Variants in CAMKMT observed in about 807,000 individuals in gnomAD.
CAMKMT encodes calmodulin-lysine N-methyltransferase, also known as CaM KMT.
CAMKMT carries 53 observed loss-of-function variants against 48.0 expected under a neutral mutation model. The observed-to-expected ratio is 1.10, with a 90% CI of 0.89 to 1.39. CAMKMT has a LOEUF of 1.39. CAMKMT is among the 40% of genes most tolerant of loss of function. CAMKMT has a pLI of 0.00. For missense variants in CAMKMT, 428 were observed against 402.7 expected (o/e 1.06, Z -0.54); for synonymous variants, 165 against 152.3 (o/e 1.08, Z -0.61).
intron 9 of CAMKMT, among the ~76,000 whole-genome samples, chr2:44,756,741 CAAA>C (rs772893331): frequency 3.7e-5 from 3 of 80,232 alleles, no homozygotes; most frequent in Admixed American, 2.8e-4. Context: ...GACTCTGTCT[CAAA>C]AAAAAAAAAA....
intron 3 of CAMKMT, among the ~76,000 whole-genome samples, chr2:44,569,248 T>C (rs1572822812): frequency 6.6e-6 from 1 of 152,194 alleles, no homozygotes; most frequent in African/African-American, 2.4e-5. Flanking sequence ...TCAAAAGTTC[T>C]AAGTTCAGTT....
chr2:44,770,131 C>G (rs1681042262), intron 10 of CAMKMT, among the ~76,000 whole-genome samples: 1 of 152,214 alleles, frequency 6.6e-6, no homozygotes. Context: ...GAAGTACAGC[C>G]TGGGTAAATG....
At chr2:44,453,192 G>A (rs1161875845) in intron 3 of CAMKMT, among the ~76,000 whole-genome samples, 2 of 151,818 alleles carry the variant, frequency 1.3e-5, no homozygotes, top group African/African-American at 4.8e-5. Context: ...GTGGCTGTAG[G>A]GAGCAAAACC....
intron 3 of CAMKMT, among the ~76,000 whole-genome samples, chr2:44,701,031 C>T (rs1299596594): frequency 2.6e-5 from 4 of 152,104 alleles, no homozygotes; most frequent in Admixed American, 6.6e-5. Flanking sequence ...TTTATTTATC[C>T]GTTAGTCAGT....
chr2:44,692,692 G>A (rs1676730242), intron 3 of CAMKMT, among the ~76,000 whole-genome samples: 1 of 152,060 alleles, frequency 6.6e-6, no homozygotes, highest in Admixed American at 6.5e-5. Context: ...AAGCTGCACT[G>A]TAACTCAGGA....
intron 3 of CAMKMT, among the ~76,000 whole-genome samples, chr2:44,476,848 A>T (rs1317225242): frequency 6.6e-6 from 1 of 152,176 alleles, no homozygotes; most frequent in Non-Finnish European, 1.5e-5. Flanking sequence ...ATAATAACTC[A>T]AAGGATTGGT....
At chr2:44,565,303 G>A (rs774472728) in intron 3 of CAMKMT, among the ~76,000 whole-genome samples, 2 of 152,066 alleles carry the variant, frequency 1.3e-5, no homozygotes, top group African/African-American at 2.4e-5. Context: ...TAGGCAATGT[G>A]GTGTCCTGGA....
At chr2:44,528,697 T>A (rs1279151758) in intron 3 of CAMKMT, among the ~76,000 whole-genome samples, 1 of 152,138 alleles carries the variant, frequency 6.6e-6, no homozygotes, top group Non-Finnish European at 1.5e-5. Context: ...ATAGCTTCCC[T>A]CCCTTGTTTG....
intron 3 of CAMKMT, among the ~76,000 whole-genome samples, chr2:44,602,859 G>C (rs1331414112): frequency 6.6e-6 from 1 of 151,968 alleles, no homozygotes; most frequent in Non-Finnish European, 1.5e-5. Context: ...TGAGATTTGG[G>C]TGGGGACACA....
intron 9 of CAMKMT, among the ~76,000 whole-genome samples, chr2:44,765,293 TAC>T (rs1253744997): frequency 6.6e-6 from 1 of 152,088 alleles, no homozygotes; most frequent in Non-Finnish European, 1.5e-5. Flanking sequence ...GACTACACTA[TAC>T]CTACAACATA....
At position 44,754,044 on chromosome 2, in the gene CAMKMT, C is replaced by A; in HGVS notation, c.699-11C>A. 6.2e-7 allele frequency: 1 copy of A among 1,612,194 alleles called. No homozygotes were observed. Among genetic ancestry groups the A allele is most frequent in the Non-Finnish European group, 8.5e-7 (1 of 1,178,448 alleles). ...AGTTTAATCTGGATTCTGCTCTCTTCTCAATGTCAGCCTGTTTCTGGACCA... is the reference window on the plus strand; with the variant it reads ...AGTTTAATCTGGATTCTGCTCTCTTATCAATGTCAGCCTGTTTCTGGACCA... On this transcript the variant is annotated splice_polypyrimidine_tract_variant and intron_variant, in intron 8 of 10. Transcript: ENST00000378494.
intron 3 of CAMKMT, among the ~76,000 whole-genome samples, chr2:44,563,839 T>C (rs1668463663): frequency 6.6e-6 from 1 of 152,220 alleles, no homozygotes; most frequent in Non-Finnish European, 1.5e-5. Context: ...TATTCCGTGG[T>C]GTATATGTGC....
intron 3 of CAMKMT, among the ~76,000 whole-genome samples, chr2:44,685,772 G>A (rs2104198999): frequency 6.6e-6 from 1 of 152,214 alleles, no homozygotes; most frequent in African/African-American, 2.4e-5. Flanking sequence ...TAATTGAATA[G>A]GAGCAATCAG....
chr2:44,658,647 C>A (rs538019240), intron 3 of CAMKMT, among the ~76,000 whole-genome samples: 1 of 152,272 alleles, frequency 6.6e-6, no homozygotes, highest in African/African-American at 2.4e-5. Context: ...TGGCCGACTC[C>A]ATTTCCTCAA....
At chr2:44,389,918 A>G (rs1458652426) in intron 2 of CAMKMT, among the ~76,000 whole-genome samples, 2 of 152,156 alleles carry the variant, frequency 1.3e-5, no homozygotes, top group Non-Finnish European at 2.9e-5. Flanking sequence ...TTGATTCTCT[A>G]AGTATACTGT....
In CAMKMT at chr2:44,763,478, T is replaced by C. The variant is rs573960228; in HGVS notation, c.763-2952T>C. ...GTCTCATCAAATATTGACTGAGTGCTTACTATGTGCTAGGCACTGAGAAAA... is the reference window on the plus strand; with the variant it reads ...GTCTCATCAAATATTGACTGAGTGCCTACTATGTGCTAGGCACTGAGAAAA... On this transcript the variant is annotated intron_variant, in intron 9 of 10. Transcript: ENST00000378494. 3.9e-4 allele frequency among the ~76,000 whole-genome samples: 60 copies of C among 152,370 alleles called. No homozygotes were observed. In the South Asian group the frequency reaches 0.012, roughly 31 times the overall value.
chr2:44,568,968 T>A (rs907254824), intron 3 of CAMKMT, among the ~76,000 whole-genome samples: 1 of 152,154 alleles, frequency 6.6e-6, no homozygotes, highest in African/African-American at 2.4e-5. Context: ...ATGGTGGTGG[T>A]TGAAATGTCA....
At position 44,440,701 on chromosome 2, in the gene CAMKMT, T is replaced by G. The variant is rs188704388; in HGVS notation, c.376+50396T>G. Among the ~76,000 whole-genome samples, 1,204 of 152,266 alleles carry G rather than the reference T, an allele frequency of 7.9e-3. 15 individuals are homozygous for G. The highest frequency in any genetic ancestry group is 0.027 in the African/African-American group (1,143 of 41,564). ...ACAGGAATGATATAGAGTATTTCTA[T>G]CAGAAAGATGTATTAAGACAGTGCT... is the stretch of plus-strand genomic sequence containing the variant. On this transcript the variant is annotated intron_variant, in intron 3 of 10. Coordinates refer to ENST00000378494, the MANE Select transcript of CAMKMT (RefSeq NM_024766.5).
chr2:44,464,591 A>G (rs1433351589), intron 3 of CAMKMT, among the ~76,000 whole-genome samples: 1 of 152,216 alleles, frequency 6.6e-6, no homozygotes, highest in African/African-American at 2.4e-5. Flanking sequence ...AGAGAAAAGC[A>G]ACTTGACACA....
Sources: allele counts gnomAD v4.1 joint callset (sites outside exome capture counted in the v4.1 genomes callset), GRCh38; gene constraint gnomAD v4.1.1; transcripts MANE v1.5; gene names NCBI Gene and HGNC (gene_info 2026-07-23, HGNC 2026-07-21).